Variants in MAP1B observed in about 807,000 individuals in gnomAD.
MAP1B encodes microtubule associated protein 1B, also known as microtubule-associated protein 1B.
Under a neutral mutation model 176.1 loss-of-function variants are expected in MAP1B, and 12 were observed. The ratio of observed to expected loss-of-function variants is 0.07; its 90% confidence interval spans 0.04 to 0.11. The LOEUF (loss-of-function observed/expected upper bound fraction) is 0.11. Among genes scored for constraint, MAP1B ranks in the 10% least tolerant of loss-of-function variants. MAP1B has a pLI of 1.00. For synonymous variants in MAP1B, 1,044 were observed against 1,135.0 expected (o/e 0.92, Z 1.61); for missense variants, 2,523 against 2,990.5 (o/e 0.84, Z 3.65).
In MAP1B at chr5:72,186,458, C is replaced by T. The variant is rs376505067; in HGVS notation, c.370-156C>T. Among the ~76,000 whole-genome samples the T allele has an allele frequency of 1.8e-4, 27 of 152,300 alleles. No homozygotes were observed. The highest frequency in any genetic ancestry group is 6.2e-4 in the South Asian group (3 of 4,818). ...CAGCCAGGGATCCATTCAACCCTCC[C>T]GTGCTCTTCTGGCCTCCAGGAGAAA... is the stretch of plus-strand genomic sequence containing the variant. On this transcript the variant is annotated intron_variant, in intron 3 of 6. Transcript: ENST00000296755. This position sits in a 1 kb window ranked among gnomAD's most constrained non-coding sequence, Gnocchi z 4.3.
In MAP1B at chr5:72,200,242, T is replaced by C; in HGVS notation, c.6887T>C (p.Val2296Ala). The C allele has an allele frequency of 1.2e-6, 2 of 1,614,070 alleles. No individual in the cohort carries two copies. Among genetic ancestry groups the C allele is most frequent in the Non-Finnish European group, 1.7e-6 (2 of 1,180,016 alleles). Residue 2296 changes from valine to alanine, a missense_variant, in exon 5 of 7, where the codon GTG (valine) becomes GCG (alanine). Transcript: ENST00000296755. ...RVASPKKKES[V>A]EKAAKPTTTP... ...GCTTCTCCTAAGAAGAAAGAATCTGTGGAAAAGGCAGCAAAACCCACCACC... is the reference window on the plus strand; with the variant it reads ...GCTTCTCCTAAGAAGAAAGAATCTGCGGAAAAGGCAGCAAAACCCACCACC...
chr5:72,133,734 T>A (rs775050134), intron 2 of MAP1B, among the ~76,000 whole-genome samples: 1 of 152,224 alleles, frequency 6.6e-6, no homozygotes, highest in Non-Finnish European at 1.5e-5. Flanking sequence ...GCTTTTAACT[T>A]GCCATTCAAG....
chr5:72,147,409 T>G lies in MAP1B; in HGVS notation c.286+31610T>G, dbSNP rs946545038. 4.6e-5 allele frequency among the ~76,000 whole-genome samples: 7 copies of G among 152,094 alleles called. No homozygotes were observed. In the South Asian group the frequency reaches 1.2e-3, roughly 27 times the overall value. Reference sequence around the variant, plus strand: ...GTTACCTGTGCCTCATCACTTGCTCTGTAACTATTTGTATTCCAGGTAATA... The same window carrying G: ...GTTACCTGTGCCTCATCACTTGCTCGGTAACTATTTGTATTCCAGGTAATA... On this transcript the variant is annotated intron_variant, in intron 2 of 6. Transcript: ENST00000296755.
intron 2 of MAP1B, among the ~76,000 whole-genome samples, chr5:72,182,751 T>C (rs1746798017): frequency 6.6e-6 from 1 of 152,164 alleles, no homozygotes; most frequent in African/African-American, 2.4e-5. Flanking sequence ...CTGAGAGTCA[T>C]TGTACTTCCA....
At chr5:72,160,401 C>T (rs1380154476) in intron 2 of MAP1B, among the ~76,000 whole-genome samples, 1 of 152,132 alleles carries the variant, frequency 6.6e-6, no homozygotes, top group Non-Finnish European at 1.5e-5. Flanking sequence ...GTTATTTAAA[C>T]AACTGTGTGA....
chr5:72,166,758 T>A (rs1746439438), intron 2 of MAP1B, among the ~76,000 whole-genome samples: 2 of 152,178 alleles, frequency 1.3e-5, no homozygotes, highest in South Asian at 4.1e-4. Flanking sequence ...CTGGCTGGGT[T>A]CCAGAGTCAA....
chr5:72,177,125 G>A (rs1379151252), intron 2 of MAP1B, among the ~76,000 whole-genome samples: 1 of 152,164 alleles, frequency 6.6e-6, no homozygotes, highest in Non-Finnish European at 1.5e-5. Flanking sequence ...AGGGTTTTGT[G>A]TCTCACCCTG....
Position 72,209,518 on chromosome 5 carries a change from AG to A in MAP1B, c.*4281del, listed in dbSNP as rs1389771549. 1 of 151,982 alleles carries A rather than the reference AG, an allele frequency of 6.6e-6. No individual in the cohort carries two copies. Among genetic ancestry groups the A allele is most frequent in the Non-Finnish European group, 1.5e-5 (1 of 67,986 alleles). The allele number at this position is 151,982 out of a possible 1,614,324, so 9.4% of individuals were successfully genotyped here. On this transcript the variant is annotated 3_prime_UTR_variant, in exon 7 of 7. Transcript: ENST00000296755. ...CTTCCATTGAGGATATTTGATGTAA[AG>A]GAAAAAAAAAAACTCAGTTCCACAA...
At chr5:72,136,155 ACTGTACTAAACATACC>A (rs1745834966) in intron 2 of MAP1B, among the ~76,000 whole-genome samples, 1 of 152,190 alleles carries the variant, frequency 6.6e-6, no homozygotes, top group African/African-American at 2.4e-5. Flanking sequence ...AGTGCTAGTT[ACTGTACTAAACATACC>A]CATGGGCATG....
chr5:72,191,768 G>T (rs564436442), intron 4 of MAP1B, among the ~76,000 whole-genome samples: 15 of 152,214 alleles, frequency 9.9e-5, no homozygotes, highest in African/African-American at 2.7e-4. Flanking sequence ...CATCACGGTT[G>T]TTCATTCACC....
rs33987772 is a variant in MAP1B at position 72,158,006 on chromosome 5, A to ATTT, written c.287-25718_287-25716dup. On this transcript the variant is annotated intron_variant, in intron 2 of 6. Transcript: ENST00000296755. The stretch of plus-strand genomic sequence containing the variant: ...AGGCATCTGCTACTACACCTGGCTA[A>ATTT]TTTTTTTTTTTTTTTTTTTTTGAGA... Among the ~76,000 whole-genome samples the ATTT allele has an allele frequency of 3.0e-3, 315 of 104,312 alleles. 4 individuals are homozygous for ATTT. In the East Asian group the frequency reaches 0.042, roughly 14 times the overall value. The allele number at this position is 104,312 out of a possible 152,430, so 68.4% of individuals were successfully genotyped here. A position where few individuals can be genotyped will look rare whatever the true frequency, so the allele number is the denominator to read the frequency against.
At chr5:72,153,311 T>C (rs1304955758) in intron 2 of MAP1B, among the ~76,000 whole-genome samples, 1 of 152,056 alleles carries the variant, frequency 6.6e-6, no homozygotes, top group Non-Finnish European at 1.5e-5. Context: ...GTCACACCCA[T>C]GCCATTTTCC....
At chr5:72,117,575 G>A (rs1424278315) in intron 2 of MAP1B, among the ~76,000 whole-genome samples, 1 of 152,186 alleles carries the variant, frequency 6.6e-6, no homozygotes, top group Admixed American at 6.5e-5. Context: ...CTGTGGAGTA[G>A]GAAGATCAAG....
chr5:72,184,757 T>G (rs1403936054), intron 3 of MAP1B, among the ~76,000 whole-genome samples: 1 of 152,222 alleles, frequency 6.6e-6, no homozygotes, highest in African/African-American at 2.4e-5. Context: ...CTTCATTGTT[T>G]GCAGCGTCCC....
At position 72,197,421 on chromosome 5, in the gene MAP1B, C is replaced by T. The variant is rs1292063107; in HGVS notation, c.4066C>T (p.Pro1356Ser). 3 of 1,614,078 alleles carry T rather than the reference C, an allele frequency of 1.9e-6. No individual in the cohort carries two copies. The highest frequency in any genetic ancestry group is 2.5e-6 in the Non-Finnish European group (3 of 1,180,042). Residue 1356 changes from proline (P) to serine (S), a missense_variant, in exon 5 of 7, where the codon CCA becomes TCA. Pro to Ser is a moderately conservative substitution (Grantham distance 74, BLOSUM62 -1). Transcript: ENST00000296755. ...TCTCCCTACAGAAGTCATTGAAAAACCACCAGCAGTTCCAGTGAGTTTTGA... is the reference window on the plus strand; with the variant it reads ...TCTCCCTACAGAAGTCATTGAAAAATCACCAGCAGTTCCAGTGAGTTTTGA... ...SHLPTEVIEK[P>S]PAVPVSFEFS... is the part of the protein sequence containing the mutation.
chr5:72,107,554 C>A lies in MAP1B; in HGVS notation c.23C>A (p.Ala8Asp), dbSNP rs779483553. 5 of 1,575,764 alleles carry A rather than the reference C, an allele frequency of 3.2e-6. No individual in the cohort carries two copies. The South Asian group carries it at 4.6e-5, about 14-fold the overall frequency. MATVVVE[A>D]TEPEPSGSIA... ...AGGATGGCGACCGTGGTGGTGGAAG[C>A]CACCGAGCCGGAGCCGTCCGGCAGC... The change falls in exon 1 of 7, where the codon GCC (alanine) becomes GAC (aspartate). Residue 8 changes from alanine (A) to aspartate (D), a missense_variant. By Grantham distance (126) the Ala-to-Asp change is moderately radical. Around this residue, in one of 4 missense-constraint regions of MAP1B, gnomAD observed 307 missense variants for 438.4 expected, o/e 0.70. Coordinates refer to ENST00000296755, the MANE Select transcript of MAP1B (RefSeq NM_005909.5).
chr5:72,193,971 C>T lies in MAP1B; in HGVS notation c.616C>T (p.Leu206Phe), dbSNP rs749824518. The T allele has an allele frequency of 6.2e-7, 1 of 1,614,216 alleles. No individual in the cohort carries two copies. Residue 206 changes from leucine to phenylalanine, a missense_variant, in exon 5 of 7, where the codon CTC becomes TTC. Coordinates refer to ENST00000296755, the MANE Select transcript of MAP1B (RefSeq NM_005909.5). ...GAACTCCAATCTTGACAGACACAAT[C>T]TCCAAGACTTCATCAATATTAAACT... ...WKNSNLDRHN[L>F]QDFINIKLNS...
chr5:72,209,260 G>A lies in MAP1B; in HGVS notation c.*4021G>A. 1 of 152,162 alleles carries A rather than the reference G, an allele frequency of 6.6e-6. No homozygotes were observed. The highest frequency in any genetic ancestry group is 1.9e-4 in the East Asian group (1 of 5,178). The allele number at this position is 152,162 out of a possible 1,614,324, so 9.4% of individuals were successfully genotyped here. ...GAGACACGCTTTTCCTACACTGCAT[G>A]CAGCCCCTCTTTCCAGCACTGGAAA... On this transcript the variant is annotated 3_prime_UTR_variant, in exon 7 of 7. Coordinates refer to ENST00000296755, the MANE Select transcript of MAP1B (RefSeq NM_005909.5).
intron 2 of MAP1B, among the ~76,000 whole-genome samples, chr5:72,129,571 G>A (rs1745692163): frequency 6.6e-6 from 1 of 151,254 alleles, no homozygotes; most frequent in Non-Finnish European, 1.5e-5. Flanking sequence ...AAAAAAAAAA[G>A]TAAATATCTG....
Sources: allele counts gnomAD v4.1 joint callset (sites outside exome capture counted in the v4.1 genomes callset), GRCh38; gene constraint gnomAD v4.1.1; regional missense constraint gnomAD v4.1.1; non-coding constraint Gnocchi (gnomAD v3.1); transcripts MANE v1.5; gene names NCBI Gene and HGNC (gene_info 2026-07-23, HGNC 2026-07-21).